REPS2: variants seen among roughly 807,000 people sequenced by gnomAD.
REPS2 encodes the protein RALBP1 associated Eps domain containing 2.
In REPS2, 23 loss-of-function variants were observed where a neutral mutation model predicts 53.6. The observed-to-expected ratio is 0.43, with a 90% CI of 0.31 to 0.61. The LOEUF (loss-of-function observed/expected upper bound fraction) is 0.61. REPS2 is among the 20% of genes least tolerant of loss of function. The pLI is 0.11. For synonymous variants in REPS2, 238 were observed against 218.6 expected, an observed-to-expected ratio of 1.09 and a Z score of -0.78; for missense variants, 446 against 534.9, an observed-to-expected ratio of 0.83 and a Z score of 1.64.
At chrX:16,961,838 A>G (rs949230110) in intron 1 of REPS2, among the ~76,000 whole-genome samples, 1 of 112,269 alleles carries the variant, frequency 8.9e-6, no homozygotes, top group Admixed American at 9.5e-5. Context: ...AAAGGACTTG[A>G]TTATTCATTT....
At chrX:17,193,293 T>A in the REPS2 span, among the ~76,000 whole-genome samples, 1 of 112,116 alleles carries the variant, frequency 8.9e-6, no homozygotes, top group Non-Finnish European at 1.9e-5. Flanking sequence ...GCCATTGTGG[T>A]GGCTTTGTGG....
chrX:17,149,954 T>TAAG lies in REPS2; in HGVS notation c.*2475_*2477dup, dbSNP rs1394761672. On this transcript the variant is annotated 3_prime_UTR_variant, in exon 18 of 18. Transcript: ENST00000357277. ...GAGTTTCATAATCTCATCAATATTT[T>TAAG]AAGATAGGCGAGCACACACTAATAA... The TAAG allele has an allele frequency of 8.9e-6, 1 of 111,791 alleles. No individual in the cohort carries two copies. The highest frequency in any genetic ancestry group is 1.9e-5 in the Non-Finnish European group (1 of 53,194). The allele number at this position is 111,791 out of a possible 1,213,427, so 9.2% of individuals were successfully genotyped here.
At chrX:17,046,428 G>A (rs573966979) in intron 5 of REPS2, among the ~76,000 whole-genome samples, 3 of 111,249 alleles carry the variant, frequency 2.7e-5, no homozygotes, top group South Asian at 3.8e-4. Context: ...CACCTGCCTC[G>A]GCCTCCCAAA....
At chrX:17,036,079 T>C (rs1430104172) in intron 5 of REPS2, among the ~76,000 whole-genome samples, 1 of 112,298 alleles carries the variant, frequency 8.9e-6, no homozygotes, top group Non-Finnish European at 1.9e-5. Flanking sequence ...AATCACTGCG[T>C]TGTTTGCAGA....
chrX:17,049,570 T>A (rs185889076), intron 6 of REPS2, among the ~76,000 whole-genome samples: 1 of 111,988 alleles, frequency 8.9e-6, no homozygotes, highest in Admixed American at 9.5e-5. Flanking sequence ...AAGAAAATAT[T>A]TTTGTACAGC....
chrX:17,021,747 T>C (rs2061580382), intron 2 of REPS2, among the ~76,000 whole-genome samples: 1 of 112,568 alleles, frequency 8.9e-6, no homozygotes, highest in Non-Finnish European at 1.9e-5. Flanking sequence ...TGCAAATCTT[T>C]AATACTGTGC....
intron 1 of REPS2, among the ~76,000 whole-genome samples, chrX:16,988,082 G>T (rs915555021): frequency 9.2e-6 from 1 of 108,805 alleles, no homozygotes; most frequent in African/African-American, 3.4e-5. Context: ...AGACCAGCTT[G>T]GGCAATGTAG....
At chrX:17,074,004 G>C in intron 11 of REPS2, 110 bp from the exon 12 acceptor site, 1 of 532,863 alleles carries the variant, frequency 1.9e-6, no homozygotes, top group Non-Finnish European at 3.1e-6. Context: ...TTCTCCACAT[G>C]GGCACTTTTA....
At chrX:17,090,469 T>A (rs1186795764) in intron 13 of REPS2, among the ~76,000 whole-genome samples, 2 of 111,409 alleles carry the variant, frequency 1.8e-5, no homozygotes, top group African/African-American at 6.5e-5. Flanking sequence ...TCCCACTGGG[T>A]CCTTCCCACA....
chrX:17,118,465 C>T (rs2063094444), intron 14 of REPS2, among the ~76,000 whole-genome samples: 1 of 111,027 alleles, frequency 9.0e-6, no homozygotes, highest in South Asian at 3.9e-4. Flanking sequence ...TGCTAACACT[C>T]TCACATCTGT....
chrX:17,071,510 A>G (rs997577555), intron 11 of REPS2, among the ~76,000 whole-genome samples: 7 of 111,217 alleles, frequency 6.3e-5, no homozygotes, highest in African/African-American at 2.3e-4. Context: ...CATGAGAAGT[A>G]TGTCGGAATT....
chrX:17,023,996 A>G (rs1437631196), intron 3 of REPS2, among the ~76,000 whole-genome samples: 1 of 111,042 alleles, frequency 9.0e-6, no homozygotes, highest in African/African-American at 3.3e-5. Flanking sequence ...GTTGATAGAA[A>G]GCATTGTTTT....
chrX:17,167,716 C>T, the REPS2 span, among the ~76,000 whole-genome samples: 4 of 108,699 alleles, frequency 3.7e-5, no homozygotes, highest in African/African-American at 1.3e-4. Context: ...TGAAATAGTA[C>T]ATTTCAATGT....
chrX:16,949,799 C>T (rs1197234237), intron 1 of REPS2, among the ~76,000 whole-genome samples: 1 of 111,031 alleles, frequency 9.0e-6, no homozygotes, highest in South Asian at 3.8e-4. Flanking sequence ...TCCCCTGCCC[C>T]GACACACCCG....
chrX:16,964,484 C>T (rs1485920499), intron 1 of REPS2, among the ~76,000 whole-genome samples: 2 of 109,213 alleles, frequency 1.8e-5, no homozygotes, highest in East Asian at 2.9e-4. Flanking sequence ...CCACCTTTCC[C>T]CCCTTTCTAT....
chrX:17,130,893 T>C (rs2063283063), intron 14 of REPS2, among the ~76,000 whole-genome samples: 1 of 112,084 alleles, frequency 8.9e-6, no homozygotes, highest in Admixed American at 9.5e-5. Context: ...CCTAGGGCTG[T>C]GATGATGAAT....
chrX:16,964,021 A>T (rs962019474), intron 1 of REPS2, among the ~76,000 whole-genome samples: 20 of 108,670 alleles, frequency 1.8e-4, no homozygotes, highest in Admixed American at 1.4e-3. Flanking sequence ...AATTTAATTT[A>T]ATTTTATTAT....
rs755691738 is a variant in REPS2 at position 17,054,785 on chromosome X, C to T, written c.972-23C>T. The T allele has an allele frequency of 1.2e-5, 14 of 1,202,512 alleles. No homozygotes were observed. The South Asian group carries it at 2.3e-4, about 20-fold the overall frequency. ...TGTTCTGTAAGCCCCATGGTAGGTA[C>T]TCATGACATTTGTTTCATTTAGGGA... is the stretch of plus-strand genomic sequence containing the variant. On this transcript the variant is annotated intron_variant, in intron 7 of 17. Coordinates refer to ENST00000357277, the MANE Select transcript of REPS2 (RefSeq NM_004726.3).
chrX:17,130,430 T>G (rs1394401490), intron 14 of REPS2, among the ~76,000 whole-genome samples: 1 of 111,892 alleles, frequency 8.9e-6, no homozygotes, highest in Non-Finnish European at 1.9e-5. Flanking sequence ...AACTTACTTT[T>G]GGGTCTTTCT....
Sources: allele counts gnomAD v4.1 joint callset (sites outside exome capture counted in the v4.1 genomes callset), GRCh38; gene constraint gnomAD v4.1.1; transcripts MANE v1.5; gene names NCBI Gene and HGNC (gene_info 2026-07-23, HGNC 2026-07-21).